The following SNTG1 variants were observed in gnomAD, a reference collection of about 807,000 sequenced individuals.
SNTG1 encodes the protein syntrophin gamma 1.
A neutral mutation model predicts 74.7 loss-of-function variants in SNTG1; 39 were observed. The ratio of observed to expected loss-of-function variants is 0.52; its 90% CI spans 0.40 to 0.68. The LOEUF (loss-of-function observed/expected upper bound fraction) is 0.68, where lower values mean the gene tolerates loss of function less well. Ranked by LOEUF, SNTG1 falls within the 30% of genes least tolerant of loss-of-function variation. The pLI, the probability that SNTG1 is intolerant of heterozygous loss-of-function variation, is 0.00. For missense variants in SNTG1, 685 were observed against 609.5 expected (o/e 1.12, Z -1.30); for synonymous variants, 254 against 217.1 (o/e 1.17, Z -1.49).
chr8:50,155,462 A>G (rs1395017088), intron 1 of SNTG1, among the ~76,000 whole-genome samples: 1 of 152,044 alleles, frequency 6.6e-6, no homozygotes, highest in South Asian at 2.1e-4. Flanking sequence ...CAGTTATAGA[A>G]AAAAAAATGG....
intron 15 of SNTG1, among the ~76,000 whole-genome samples, chr8:50,684,583 T>G (rs2095344156): frequency 6.6e-6 from 1 of 152,030 alleles, no homozygotes; most frequent in Non-Finnish European, 1.5e-5. Flanking sequence ...AATTCAAGAA[T>G]GCAAATAAAA....
At chr8:50,200,305 G>A (rs2083936205) in intron 2 of SNTG1, among the ~76,000 whole-genome samples, 1 of 152,192 alleles carries the variant, frequency 6.6e-6, no homozygotes, top group Non-Finnish European at 1.5e-5. Context: ...ATCTCAGGCA[G>A]TTTAGCTCTG....
chr8:50,562,549 C>T (rs977876207), intron 12 of SNTG1, among the ~76,000 whole-genome samples: 3 of 152,134 alleles, frequency 2.0e-5, no homozygotes, highest in African/African-American at 7.2e-5. Context: ...CAATTTCTCC[C>T]CTGTTTGATT....
intron 4 of SNTG1, among the ~76,000 whole-genome samples, chr8:50,425,337 T>G (rs577018481): frequency 6.6e-6 from 1 of 151,406 alleles, no homozygotes. Flanking sequence ...CATCAGATCA[T>G]CAGCAGCATC....
intron 15 of SNTG1, among the ~76,000 whole-genome samples, chr8:50,698,269 C>A (rs943328258): frequency 1.3e-5 from 2 of 152,104 alleles, no homozygotes; most frequent in Non-Finnish European, 2.9e-5. Context: ...GTACTGCTAC[C>A]TTGGCCAAGA....
At chr8:49,982,279 T>A (rs189111699) in intron 1 of SNTG1, among the ~76,000 whole-genome samples, 63 of 152,266 alleles carry the variant, frequency 4.1e-4, no homozygotes, top group African/African-American at 1.5e-3. Context: ...GTAGTTGGCA[T>A]CTGAATCCTT....
At chr8:50,225,518 T>G (rs1268884430) in intron 2 of SNTG1, among the ~76,000 whole-genome samples, 1 of 152,172 alleles carries the variant, frequency 6.6e-6, no homozygotes, top group Admixed American at 6.5e-5. Flanking sequence ...TCATCTTACA[T>G]GTATTGATTG....
chr8:49,977,437 A>G (rs1812297833), intron 1 of SNTG1, among the ~76,000 whole-genome samples: 1 of 152,192 alleles, frequency 6.6e-6, no homozygotes, highest in Non-Finnish European at 1.5e-5. Context: ...GTGCAAGGTC[A>G]CCTCCATCTC....
At chr8:50,612,455 A>G (rs2130993754) in intron 13 of SNTG1, among the ~76,000 whole-genome samples, 1 of 152,326 alleles carries the variant, frequency 6.6e-6, no homozygotes, top group African/African-American at 2.4e-5. Context: ...TTCAAGTAAA[A>G]GGAGAGAGAA....
In SNTG1 at chr8:50,420,469, A is replaced by C. The variant is rs138481312; in HGVS notation, c.163-18074A>C. 2.8e-3 allele frequency among the ~76,000 whole-genome samples: 420 copies of C among 152,278 alleles called. 1 individual carries two copies. Among genetic ancestry groups the C allele is most frequent in the African/African-American group, 9.1e-3 (377 of 41,566 alleles). Reference sequence around the variant, plus strand: ...CAAGAGAAAATCAAGACATCATAAGATATAAGAAATATAAGAAAAGTATTT... The same window carrying C: ...CAAGAGAAAATCAAGACATCATAAGCTATAAGAAATATAAGAAAAGTATTT... On this transcript the variant is annotated intron_variant, in intron 4 of 18. Coordinates refer to ENST00000642720, the MANE Select transcript of SNTG1 (RefSeq NM_018967.5).
At chr8:50,153,044 A>G (rs933300812) in intron 1 of SNTG1, among the ~76,000 whole-genome samples, 3 of 152,200 alleles carry the variant, frequency 2.0e-5, no homozygotes, top group Non-Finnish European at 2.9e-5. Context: ...AGGTACACCA[A>G]TCAGACGTAG....
intron 4 of SNTG1, among the ~76,000 whole-genome samples, chr8:50,411,825 T>C (rs2092952941): frequency 6.6e-6 from 1 of 152,166 alleles, no homozygotes; most frequent in South Asian, 2.1e-4. Context: ...GAAAACATTG[T>C]CACCGGATCC....
At chr8:50,527,271 A>G (rs1185747684) in intron 9 of SNTG1, among the ~76,000 whole-genome samples, 2 of 151,812 alleles carry the variant, frequency 1.3e-5, no homozygotes, top group Non-Finnish European at 2.9e-5. Context: ...AATTACGAAG[A>G]TTTTCTCTTA....
chr8:50,409,914 G>A (rs1388821605), intron 4 of SNTG1, among the ~76,000 whole-genome samples: 1 of 152,150 alleles, frequency 6.6e-6, no homozygotes, highest in African/African-American at 2.4e-5. Flanking sequence ...AAACATGACA[G>A]AACTGTCAGA....
chr8:50,515,798 C>T (rs900785413), intron 9 of SNTG1, among the ~76,000 whole-genome samples: 2 of 152,120 alleles, frequency 1.3e-5, no homozygotes, highest in Non-Finnish European at 2.9e-5. Flanking sequence ...AGGCAGCAGC[C>T]CCAGTCAGGG....
chr8:50,055,863 T>C (rs1464251792), intron 1 of SNTG1, among the ~76,000 whole-genome samples: 2 of 152,124 alleles, frequency 1.3e-5, no homozygotes, highest in Non-Finnish European at 2.9e-5. Flanking sequence ...TTTTAAAAAA[T>C]TGTTTGATAG....
chr8:50,070,466 C>A (rs1026640517), intron 1 of SNTG1, among the ~76,000 whole-genome samples: 1 of 151,748 alleles, frequency 6.6e-6, no homozygotes, highest in Admixed American at 6.6e-5. Context: ...GATTTTTTTT[C>A]CTCTTAGAAA....
At chr8:50,220,087 T>C (rs567730012) in intron 2 of SNTG1, among the ~76,000 whole-genome samples, 8 of 152,282 alleles carry the variant, frequency 5.3e-5, no homozygotes, top group Admixed American at 3.3e-4. Context: ...GTCCCATTGG[T>C]GACCCTTCTC....
chr8:50,484,094 T>C (rs2093763463), intron 8 of SNTG1, among the ~76,000 whole-genome samples: 1 of 146,444 alleles, frequency 6.8e-6, no homozygotes, highest in Admixed American at 7.0e-5. Flanking sequence ...CTTTCTCTCT[T>C]TCTTTCTCTC....
Sources: gnomAD v4.1 joint callset for allele counts (sites outside exome capture counted in the v4.1 genomes callset) on GRCh38, gnomAD v4.1.1 for gene constraint, MANE v1.5 for transcripts, NCBI Gene and HGNC (gene_info 2026-07-23, HGNC 2026-07-21) for gene names.